Variants in DMD observed in about 807,000 individuals in gnomAD.
DMD encodes mutant dystrophin.
In DMD, 63 loss-of-function variants were observed where a neutral mutation model predicts 330.1. The observed-to-expected ratio is 0.19, with a 90% CI of 0.16 to 0.24. The LOEUF is 0.24. Among genes scored for constraint, DMD ranks in the 10% least tolerant of loss-of-function variants. The probability of loss-of-function intolerance (pLI) is 1.00; values close to 1 mark genes in which losing one functional copy is unlikely to be tolerated. For synonymous variants in DMD, 1,223 were observed against 959.8 expected, an observed-to-expected ratio of 1.27 and a Z score of -5.07; for missense variants, 3,344 against 2,684.1, an observed-to-expected ratio of 1.25 and a Z score of -5.43.
intron 2 of DMD, among the ~76,000 whole-genome samples, chrX:32,880,215 G>C (rs12559198): frequency 0.17 from 17,698 of 101,146 alleles, 1,502 homozygotes; most frequent in East Asian, 0.37. Context: ...CAATTGGTTT[G>C]TGACTTCATA....
intron 9 of DMD, among the ~76,000 whole-genome samples, chrX:32,646,409 G>T (rs2059786539): frequency 9.0e-6 from 1 of 111,439 alleles, no homozygotes; most frequent in Non-Finnish European, 1.9e-5. Flanking sequence ...TATTTACGGA[G>T]GTGAGCAGAA....
intron 9 of DMD, among the ~76,000 whole-genome samples, chrX:32,672,321 G>GA (rs2061682557): frequency 1.8e-5 from 2 of 110,484 alleles, no homozygotes; most frequent in Admixed American, 9.7e-5. Context: ...CATTTTCCAA[G>GA]AAAAAATAGA....
intron 9 of DMD, among the ~76,000 whole-genome samples, chrX:32,679,178 C>A (rs934915220): frequency 3.6e-5 from 4 of 111,689 alleles, no homozygotes; most frequent in Admixed American, 2.9e-4. Flanking sequence ...TATAGTTGAG[C>A]CTTTTGTATT....
chrX:31,683,255 T>C, intron 52 of DMD, among the ~76,000 whole-genome samples: 1 of 112,270 alleles, frequency 8.9e-6, no homozygotes, highest in Non-Finnish European at 1.9e-5. Flanking sequence ...CTAGTCTCTA[T>C]TTTATTTACC....
chrX:32,546,248 C>T (rs111455507), intron 16 of DMD, among the ~76,000 whole-genome samples: 3,412 of 106,361 alleles, frequency 0.032, 118 homozygotes, highest in African/African-American at 0.11. Flanking sequence ...ACGATTGTAA[C>T]GTTACCTCTT....
At chrX:32,815,598 T>C (rs1407657617) in intron 6 of DMD, among the ~76,000 whole-genome samples, 1 of 106,408 alleles carries the variant, frequency 9.4e-6, no homozygotes, top group Non-Finnish European at 1.9e-5. Context: ...ATATATTGTA[T>C]CTCTAAGTGT....
chrX:32,475,300 A>G (rs1415755925), intron 21 of DMD, among the ~76,000 whole-genome samples: 5 of 110,619 alleles, frequency 4.5e-5, no homozygotes, highest in Admixed American at 3.9e-4. Flanking sequence ...ATGCCTCCAG[A>G]TTTGTTCTTT....
rs967195814 is a variant in DMD at position 32,496,305 on chromosome X, T to A, written c.2381-4787A>T. On this transcript the variant is annotated intron_variant, in intron 19 of 78. Transcript: ENST00000357033. The stretch of plus-strand genomic sequence containing the variant: ...CTAATAAACAGTCTCCTATTTTTGC[T>A]GAACTTTAAGTGAGGGTTATTACAA... Among the ~76,000 whole-genome samples, 3 of 111,811 alleles carry A rather than the reference T, an allele frequency of 2.7e-5. No individual in the cohort carries two copies. In the East Asian group the frequency reaches 8.4e-4, roughly 31 times the overall value.
chrX:32,221,451 T>C (rs1478115778), intron 43 of DMD, among the ~76,000 whole-genome samples: 1 of 111,780 alleles, frequency 8.9e-6, no homozygotes, highest in Non-Finnish European at 1.9e-5. Flanking sequence ...AAGATAAGTA[T>C]ACTACCAATT....
chrX:31,531,107 G>A (rs1486042985), intron 55 of DMD, among the ~76,000 whole-genome samples: 1 of 60,300 alleles, frequency 1.7e-5, no homozygotes, highest in Admixed American at 2.5e-4. Flanking sequence ...CCAAGTCTTT[G>A]CTATTGTGAA....
At chrX:32,330,791 T>A (rs140301874) in intron 41 of DMD, among the ~76,000 whole-genome samples, 1,197 of 111,617 alleles carry the variant, frequency 0.011, 7 homozygotes, top group Middle Eastern at 0.042. Context: ...AAATACCAAT[T>A]CAGTGTATTC....
chrX:31,723,835 G>C (rs746093956), intron 52 of DMD, among the ~76,000 whole-genome samples: 3 of 111,212 alleles, frequency 2.7e-5, no homozygotes, highest in Non-Finnish European at 5.7e-5. Flanking sequence ...ATTCCACTAA[G>C]CCCTCATTTA....
intron 44 of DMD, among the ~76,000 whole-genome samples, chrX:31,999,228 T>C (rs2095609178): frequency 1.8e-5 from 2 of 111,794 alleles, no homozygotes; most frequent in Non-Finnish European, 3.8e-5. Flanking sequence ...TACTTGAAAT[T>C]TATAATACCA....
At chrX:31,669,518 A>G (rs2081624107) in intron 53 of DMD, among the ~76,000 whole-genome samples, 1 of 111,640 alleles carries the variant, frequency 9.0e-6, no homozygotes, top group African/African-American at 3.3e-5. Context: ...GCCAAATTTC[A>G]TTATTTTTCA....
Position 32,887,770 on chromosome X carries a change from A to AAAAAAAAAAAAAAAAAAAAAC in DMD, c.94-37951_94-37950insGTTTTTTTTTTTTTTTTTTTT, listed in dbSNP as rs1383701636. Among the ~76,000 whole-genome samples, 69 of 70,359 alleles carry AAAAAAAAAAAAAAAAAAAAAC rather than the reference A, an allele frequency of 9.8e-4. 7 individuals carry two copies. Among genetic ancestry groups the AAAAAAAAAAAAAAAAAAAAAC allele is most frequent in the Non-Finnish European group, 1.3e-3 (44 of 34,640 alleles). The allele number at this position is 70,359 out of a possible 115,157, so 61.1% of individuals were successfully genotyped here. A position where few individuals can be genotyped will look rare whatever the true frequency, so the allele number is the denominator to read the frequency against. ...CAAAAAAAAAAAAAAAAAAAAAAAAAAAAAAACATCAACTAAAAGCTTATG... is the reference window on the plus strand; with the variant it reads ...CAAAAAAAAAAAAAAAAAAAAAAAAAAAAAAAAAAAAAAAAAAAAACAAAAAACATCAACTAAAAGCTTATG... On this transcript the variant is annotated intron_variant, in intron 2 of 78. Coordinates refer to ENST00000357033, the MANE Select transcript of DMD (RefSeq NM_004006.3).
chrX:31,693,762 G>C (rs190940801), intron 52 of DMD, among the ~76,000 whole-genome samples: 2 of 111,471 alleles, frequency 1.8e-5, no homozygotes, highest in Non-Finnish European at 3.8e-5. Flanking sequence ...AGACACTGAC[G>C]AAAGAAATTG....
chrX:31,805,904 G>A (rs1385128956), intron 50 of DMD, among the ~76,000 whole-genome samples: 1 of 112,189 alleles, frequency 8.9e-6, no homozygotes, highest in African/African-American at 3.2e-5. Flanking sequence ...TCTAAAACAG[G>A]GGTCAGTGAA....
chrX:31,129,459 G>C (rs1249907519), intron 77 of DMD, among the ~76,000 whole-genome samples: 1 of 111,964 alleles, frequency 8.9e-6, no homozygotes, highest in Non-Finnish European at 1.9e-5. Context: ...TAATGAGTCA[G>C]AATGGACAAC....
At chrX:31,882,203 A>G (rs2094082390) in intron 47 of DMD, among the ~76,000 whole-genome samples, 1 of 112,104 alleles carries the variant, frequency 8.9e-6, no homozygotes, top group Non-Finnish European at 1.9e-5. Flanking sequence ...AGACATGAAT[A>G]TTTATTATAA....
Sources: allele counts gnomAD v4.1 joint callset (sites outside exome capture counted in the v4.1 genomes callset), GRCh38; gene constraint gnomAD v4.1.1; transcripts MANE v1.5; gene names NCBI Gene and HGNC (gene_info 2026-07-23, HGNC 2026-07-21).